SYT9: variants seen among roughly 807,000 people sequenced by gnomAD.
The protein encoded by SYT9 is synaptotagmin-9.
SYT9 carries 22 observed loss-of-function variants against 48.4 expected under a neutral mutation model. The ratio of observed to expected loss-of-function variants is 0.45; its 90% CI spans 0.32 to 0.65. The LOEUF (loss-of-function observed/expected upper bound fraction) is 0.65. Ranked by LOEUF, SYT9 falls within the 30% of genes least tolerant of loss-of-function variation. The pLI, the probability that SYT9 is intolerant of heterozygous loss-of-function variation, is 0.03. For synonymous variants in SYT9, 265 were observed against 245.0 expected (o/e 1.08, Z -0.76); for missense variants, 577 against 622.0 (o/e 0.93, Z 0.77).
chr11:7,428,178 G>A (rs1847502160), intron 6 of SYT9: 1 of 152,214 alleles, frequency 6.6e-6, no homozygotes, highest in Non-Finnish European at 1.5e-5. Context: ...GTAAACACTA[G>A]AGGTATAAAA....
intron 1 of SYT9, among the ~76,000 whole-genome samples, chr11:7,281,425 T>G (rs1284158535): frequency 6.6e-6 from 1 of 152,218 alleles, no homozygotes; most frequent in Non-Finnish European, 1.5e-5. Flanking sequence ...AGCAAAACTG[T>G]TTTTGATACC....
At chr11:7,257,645 G>T (rs1847998813) in intron 1 of SYT9, among the ~76,000 whole-genome samples, 1 of 152,082 alleles carries the variant, frequency 6.6e-6, no homozygotes, top group South Asian at 2.1e-4. Context: ...TTTATGAATA[G>T]ACCTTGGTGT....
chr11:7,247,671 C>T (rs905001523), upstream of SYT9, among the ~76,000 whole-genome samples: 24 of 126,800 alleles, frequency 1.9e-4, no homozygotes, highest in Non-Finnish European at 1.0e-4. Flanking sequence ...TGTATATATA[C>T]GTATATATGT....
At chr11:7,341,353 C>A (rs929930779) in intron 3 of SYT9, among the ~76,000 whole-genome samples, 4 of 152,188 alleles carry the variant, frequency 2.6e-5, no homozygotes, top group Non-Finnish European at 5.9e-5. Context: ...GTAGCTCCCA[C>A]AATCCCCATG....
At chr11:7,453,779 C>T (rs1243744874) in intron 6 of SYT9, among the ~76,000 whole-genome samples, 2 of 152,292 alleles carry the variant, frequency 1.3e-5, no homozygotes, top group South Asian at 2.1e-4. Context: ...CAAGGACCAG[C>T]GTGGCCTGTC....
chr11:7,372,483 T>TA (rs1420850972), intron 3 of SYT9, among the ~76,000 whole-genome samples: 26 of 152,266 alleles, frequency 1.7e-4, no homozygotes, highest in African/African-American at 6.0e-4. Context: ...TAGCTAATTT[T>TA]AAAATTTTTT....
At chr11:7,392,181 T>G (rs1490611078) in intron 3 of SYT9, among the ~76,000 whole-genome samples, 1 of 152,160 alleles carries the variant, frequency 6.6e-6, no homozygotes, top group East Asian at 1.9e-4. Flanking sequence ...ATTATTTGCT[T>G]AGGCTGATAT....
chr11:7,365,536 C>T (rs1422459370), intron 3 of SYT9, among the ~76,000 whole-genome samples: 1 of 152,094 alleles, frequency 6.6e-6, no homozygotes, highest in Non-Finnish European at 1.5e-5. Flanking sequence ...GGGACTGTTT[C>T]GTTTGTCTTT....
chr11:7,450,746 C>T (rs1056334066), intron 6 of SYT9, among the ~76,000 whole-genome samples: 36 of 152,162 alleles, frequency 2.4e-4, no homozygotes, highest in African/African-American at 8.0e-4. Context: ...ACTGGAATTC[C>T]AGTTTAACTT....
chr11:7,378,022 G>A (rs1023163198), intron 3 of SYT9, among the ~76,000 whole-genome samples: 8 of 151,894 alleles, frequency 5.3e-5, no homozygotes, highest in African/African-American at 2.4e-5. Flanking sequence ...AATTCCATGT[G>A]GTAATAGGAA....
chr11:7,310,989 C>T (rs1849122853), intron 2 of SYT9, among the ~76,000 whole-genome samples: 1 of 152,088 alleles, frequency 6.6e-6, no homozygotes, highest in African/African-American at 2.4e-5. Flanking sequence ...TAGCCAAATC[C>T]ATGTATTTTA....
At chr11:7,336,890 T>C (rs558569521) in intron 3 of SYT9, among the ~76,000 whole-genome samples, 1 of 152,324 alleles carries the variant, frequency 6.6e-6, no homozygotes, top group Admixed American at 6.5e-5. Flanking sequence ...GTAAAGAATG[T>C]CATTGGTAGT....
chr11:7,247,602 T>C (rs1376448788), upstream of SYT9, among the ~76,000 whole-genome samples: 3 of 146,706 alleles, frequency 2.0e-5, no homozygotes, highest in Non-Finnish European at 4.5e-5. Context: ...TATATACGTA[T>C]ATATACATAT....
chr11:7,415,890 C>G, intron 3 of SYT9, 152 bp from the exon 4 acceptor site: 1 of 966,006 alleles, frequency 1.0e-6, no homozygotes, highest in Middle Eastern at 3.3e-4. Context: ...TATTATTCTC[C>G]CTGTGACTGA....
chr11:7,270,120 AGTGTAT>A (rs1353588615), intron 1 of SYT9, among the ~76,000 whole-genome samples: 2 of 152,186 alleles, frequency 1.3e-5, no homozygotes, highest in African/African-American at 4.8e-5. Context: ...TTTTGGAGAG[AGTGTAT>A]CAATTCTTTG....
intron 3 of SYT9, among the ~76,000 whole-genome samples, chr11:7,404,133 G>C: frequency 6.6e-6 from 1 of 151,904 alleles, no homozygotes; most frequent in East Asian, 1.9e-4. Flanking sequence ...ATTTTTATTA[G>C]TGTTAATTAT....
intron 3 of SYT9, among the ~76,000 whole-genome samples, chr11:7,414,132 T>G (rs1847192891): frequency 6.6e-6 from 1 of 152,216 alleles, no homozygotes; most frequent in Non-Finnish European, 1.5e-5. Context: ...AGGGCAGAGA[T>G]TAGACGGCAT....
intron 6 of SYT9, among the ~76,000 whole-genome samples, chr11:7,442,803 C>T (rs1029672100): frequency 6.6e-6 from 1 of 152,116 alleles, no homozygotes; most frequent in Non-Finnish European, 1.5e-5. Context: ...CCATTGACAT[C>T]ACTGCAGGTA....
chr11:7,458,684 G>A (rs1279985617), intron 6 of SYT9, among the ~76,000 whole-genome samples: 3 of 152,086 alleles, frequency 2.0e-5, no homozygotes, highest in East Asian at 1.9e-4. Context: ...CTAAGGGAAC[G>A]GCCAATACAA....
Sources: gnomAD v4.1 joint callset for allele counts (sites outside exome capture counted in the v4.1 genomes callset) on GRCh38, gnomAD v4.1.1 for gene constraint, MANE v1.5 for transcripts, NCBI Gene and HGNC (gene_info 2026-07-23, HGNC 2026-07-21) for gene names.